The following CREB5 variants were observed in gnomAD, a reference collection of about 807,000 sequenced individuals.
The protein encoded by CREB5 is cAMP responsive element binding protein 5, also known as cyclic AMP-responsive element-binding protein 5.
Under a neutral mutation model 57.1 loss-of-function variants are expected in CREB5, and 19 were observed. The observed-to-expected ratio is 0.33, with a 90% CI of 0.23 to 0.49. The LOEUF (loss-of-function observed/expected upper bound fraction) is 0.49. CREB5 is among the 20% of genes least tolerant of loss of function. CREB5 has a pLI of 0.99. For missense variants in CREB5, 579 were observed against 671.6 expected (o/e 0.86, Z 1.52); for synonymous variants, 238 against 238.3 (o/e 1.00, Z 0.01).
intron 4 of CREB5, among the ~76,000 whole-genome samples, chr7:28,560,957 T>TGC (rs1375860415): frequency 0.01 from 445 of 43,402 alleles, 55 homozygotes; most frequent in African/African-American, 0.042. Flanking sequence ...TGTGCGTGTG[T>TGC]GTGCGTGTGT....
chr7:28,607,232 AC>A (rs1797169486), intron 5 of CREB5, among the ~76,000 whole-genome samples: 2 of 152,206 alleles, frequency 1.3e-5, no homozygotes, highest in Non-Finnish European at 2.9e-5. Context: ...CTGATTGGCA[AC>A]CTTTTAATTA....
At chr7:28,360,478 T>C (rs1786452326) in intron 1 of CREB5, among the ~76,000 whole-genome samples, 1 of 152,140 alleles carries the variant, frequency 6.6e-6, no homozygotes, top group Non-Finnish European at 1.5e-5. Context: ...AGACAAATAC[T>C]ACATGTTTTA....
intron 1 of CREB5, among the ~76,000 whole-genome samples, chr7:28,320,128 G>A (rs1272830280): frequency 2.0e-5 from 3 of 151,610 alleles, no homozygotes; most frequent in Non-Finnish European, 2.9e-5. Context: ...ACGGGGTTTC[G>A]CCATGTTGTC....
chr7:28,674,008 G>C (rs531164497), intron 5 of CREB5, among the ~76,000 whole-genome samples: 2 of 152,094 alleles, frequency 1.3e-5, no homozygotes, highest in South Asian at 4.2e-4. Context: ...ACATATATTT[G>C]TTTAGGTATT....
At chr7:28,465,766 C>T (rs1024494628) in intron 1 of CREB5, among the ~76,000 whole-genome samples, 1 of 152,190 alleles carries the variant, frequency 6.6e-6, no homozygotes, top group South Asian at 2.1e-4. Context: ...CAAAGGTTAA[C>T]TAATGGCTAT....
At chr7:28,776,328 ACT>A (rs1439594829) in intron 7 of CREB5, among the ~76,000 whole-genome samples, 1 of 120,988 alleles carries the variant, frequency 8.3e-6, no homozygotes, top group East Asian at 2.6e-4. Flanking sequence ...ACAGAGCGAG[ACT>A]CTGTCTCAAA....
At chr7:28,577,458 T>C (rs377689500) in intron 5 of CREB5, among the ~76,000 whole-genome samples, 5 of 152,234 alleles carry the variant, frequency 3.3e-5, no homozygotes, top group African/African-American at 9.6e-5. Flanking sequence ...CCTAGGTGAA[T>C]AACAGCAACC....
At chr7:28,654,038 G>C (rs1308994990) in intron 5 of CREB5, among the ~76,000 whole-genome samples, 3 of 151,168 alleles carry the variant, frequency 2.0e-5, no homozygotes, top group Admixed American at 2.0e-4. Flanking sequence ...TGCCTTTACT[G>C]CATTTTTTAA....
At chr7:28,620,483 C>T (rs779216658) in intron 5 of CREB5, among the ~76,000 whole-genome samples, 5 of 152,292 alleles carry the variant, frequency 3.3e-5, no homozygotes, top group South Asian at 2.1e-4. Context: ...CAGATCTTCA[C>T]GCTCTGGTGC....
rs1325235678 is a variant in CREB5, at chr7:28,728,267, A to T, written c.702+3935A>T. On this transcript the variant is annotated intron_variant, in intron 7 of 10. Transcript: ENST00000357727. Reference sequence around the variant, plus strand: ...TTGTCCCCACTTTACAGCTGAGGCAACTGAGGCTACAAACGGTTAATAAAA... The same window carrying T: ...TTGTCCCCACTTTACAGCTGAGGCATCTGAGGCTACAAACGGTTAATAAAA... Among the ~76,000 whole-genome samples the T allele has an allele frequency of 6.6e-5, 10 of 152,318 alleles. No individual in the cohort carries two copies. In the East Asian group the frequency reaches 1.2e-3, roughly 18 times the overall value.
chr7:28,560,835 T>TGCGC (rs1450019513), intron 4 of CREB5, among the ~76,000 whole-genome samples: 1 of 59,746 alleles, frequency 1.7e-5, no homozygotes, highest in Non-Finnish European at 4.1e-5. Flanking sequence ...CGCGCGCGCG[T>TGCGC]GTGTGTGTGC....
At chr7:28,491,335 G>C in intron 2 of CREB5, 1 of 768,998 alleles carries the variant, frequency 1.3e-6, no homozygotes. Context: ...AGGAGTGGGG[G>C]TGCCAATTCC....
At chr7:28,543,641 G>T (rs1479372682) in intron 4 of CREB5, among the ~76,000 whole-genome samples, 1 of 148,674 alleles carries the variant, frequency 6.7e-6, no homozygotes, top group Non-Finnish European at 1.5e-5. Context: ...AGATGGGCTT[G>T]AATGAGCCAG....
chr7:28,586,447 G>A (rs1796310188), intron 5 of CREB5, among the ~76,000 whole-genome samples: 2 of 152,188 alleles, frequency 1.3e-5, no homozygotes, highest in Non-Finnish European at 2.9e-5. Context: ...AAAAGCAATA[G>A]GGTACCTGTC....
At chr7:28,554,197 C>T (rs566036501) in intron 4 of CREB5, among the ~76,000 whole-genome samples, 202 of 152,318 alleles carry the variant, frequency 1.3e-3, no homozygotes, top group African/African-American at 4.7e-3. Context: ...TCAGGAGATC[C>T]AGATTCTAGT....
intron 5 of CREB5, among the ~76,000 whole-genome samples, chr7:28,580,800 G>A (rs570142705): frequency 6.6e-6 from 1 of 152,032 alleles, no homozygotes. Context: ...GAACACAAAG[G>A]CCCGACCAAT....
At chr7:28,354,109 T>C (rs936619826) in intron 1 of CREB5, among the ~76,000 whole-genome samples, 1 of 152,288 alleles carries the variant, frequency 6.6e-6, no homozygotes, top group Non-Finnish European at 1.5e-5. Flanking sequence ...GAGAATAAAT[T>C]TGTGTACTAC....
At chr7:28,364,599 T>A (rs903488384) in intron 1 of CREB5, among the ~76,000 whole-genome samples, 1 of 152,128 alleles carries the variant, frequency 6.6e-6, no homozygotes, top group African/African-American at 2.4e-5. Flanking sequence ...CCTCCAGTGT[T>A]CTTCCATTAT....
intron 5 of CREB5, among the ~76,000 whole-genome samples, chr7:28,604,917 G>C (rs187659316): frequency 9.2e-5 from 14 of 152,066 alleles, no homozygotes; most frequent in African/African-American, 2.9e-4. Flanking sequence ...CCTACCCCAG[G>C]GACCTGGGAG....
Sources: gnomAD v4.1 joint callset for allele counts (sites outside exome capture counted in the v4.1 genomes callset) on GRCh38, gnomAD v4.1.1 for gene constraint, MANE v1.5 for transcripts, NCBI Gene and HGNC (gene_info 2026-07-23, HGNC 2026-07-21) for gene names.